Variants in CCNA1 observed in about 807,000 individuals in gnomAD.
CCNA1 encodes cyclin-A1.
Under a neutral mutation model 54.1 loss-of-function variants are expected in CCNA1, and 23 were observed. That is an observed-to-expected ratio of 0.42 (90% confidence interval 0.31 to 0.60). CCNA1 has a LOEUF of 0.60. Ranked by LOEUF, CCNA1 falls within the 20% of genes least tolerant of loss-of-function variation. The pLI is 0.14. For missense variants in CCNA1, 450 were observed against 556.7 expected (o/e 0.81, Z 1.93); for synonymous variants, 208 against 213.9 (o/e 0.97, Z 0.24).
chr13:36,433,440 TTCG>T (rs767662427), intron 2 of CCNA1, among the ~76,000 whole-genome samples: 4,576 of 79,856 alleles, frequency 0.057, 297 homozygotes, highest in Non-Finnish European at 0.092. Flanking sequence ...CTTTCTTTCT[TTCG>T]TTCTTTCTTT....
At chr13:36,432,300 A>T (rs991260615), upstream of CCNA1, 2 of 306,476 alleles carry the variant, frequency 6.5e-6, no homozygotes, top group South Asian at 7.9e-5. Context: ...GCTCAGCCGC[A>T]TCGCTAAGCC....
Position 36,433,061 on chromosome 13 carries a change from A to G in CCNA1, c.137A>G (p.His46Arg). 1 of 1,613,942 alleles carries G rather than the reference A, an allele frequency of 6.2e-7. No individual in the cohort carries two copies. The highest frequency in any genetic ancestry group is 1.3e-5 in the African/African-American group (1 of 75,042). The stretch of plus-strand genomic sequence containing the variant: ...CAGCCCGTGGAGTCTGAAGCAATGC[A>G]CTGCAGCAACCCCAAGAGTGGAGTT... Residue 46 changes from histidine to arginine, a missense_variant, in exon 2 of 9, where the codon CAC becomes CGC. Physicochemically the swap from His to Arg is conservative, Grantham distance 29 (BLOSUM62 0). Transcript: ENST00000255465.
intron 2 of CCNA1, among the ~76,000 whole-genome samples, chr13:36,433,890 A>G (rs1218027096): frequency 2.0e-5 from 3 of 152,178 alleles, no homozygotes; most frequent in Non-Finnish European, 4.4e-5. Context: ...AGCTAGAAAT[A>G]GTGATTAGTT....
chr13:36,434,048 T>C lies in CCNA1; in HGVS notation c.297+827T>C, dbSNP rs535739294. 2.6e-5 allele frequency among the ~76,000 whole-genome samples: 4 copies of C among 152,330 alleles called. No individual in the cohort carries two copies. In the South Asian group the frequency reaches 8.3e-4, roughly 32 times the overall value. The stretch of plus-strand genomic sequence containing the variant: ...CTGGGGTTCCTCCAGGTTAGAGCAG[T>C]GTTCACATTGATGCAGGCTGTGCCT... On this transcript the variant is annotated intron_variant, in intron 2 of 8. Coordinates refer to ENST00000255465, the MANE Select transcript of CCNA1 (RefSeq NM_003914.4).
chr13:36,438,919 G>A (rs2055843003), intron 5 of CCNA1, 52 bp downstream of exon 5: 1 of 1,351,296 alleles, frequency 7.4e-7, no homozygotes, highest in Non-Finnish European at 1.1e-6. Flanking sequence ...GTCAAAACAT[G>A]GAATTTTTGT....
chr13:36,439,894 C>T, intron 5 of CCNA1, 85 bp from the exon 6 acceptor site: 2 of 803,730 alleles, frequency 2.5e-6, no homozygotes, highest in Non-Finnish European at 2.1e-6. Flanking sequence ...TCTGCAAGGG[C>T]CATGCGGAGA....
At chr13:36,440,284 T>C in intron 6 of CCNA1, 101 bp downstream of exon 6, 1 of 1,063,250 alleles carries the variant, frequency 9.4e-7, no homozygotes, top group Non-Finnish European at 1.4e-6. Context: ...TTCAGTTTTC[T>C]TCCCACAGGC....
chr13:36,433,418 C>T (rs547462389), intron 2 of CCNA1, among the ~76,000 whole-genome samples, 197 bp downstream of exon 2: 3 of 119,614 alleles, frequency 2.5e-5, no homozygotes, highest in Non-Finnish European at 5.4e-5. Flanking sequence ...TTCTTTCTTT[C>T]TTTCTTTCTT....
chr13:36,435,892 T>C (rs2055798376), intron 2 of CCNA1, among the ~76,000 whole-genome samples: 1 of 152,222 alleles, frequency 6.6e-6, no homozygotes, highest in Non-Finnish European at 1.5e-5. Context: ...TCTCAGTAAA[T>C]GGAGTAGCCA....
chr13:36,442,280 T>C lies in CCNA1; in HGVS notation c.1322T>C (p.Ile441Thr). The C allele has an allele frequency of 6.2e-7, 1 of 1,614,014 alleles. No individual in the cohort carries two copies. The change falls in exon 8 of 9, where the codon ATT becomes ACT. Residue 441 changes from isoleucine to threonine, a missense_variant. Transcript: ENST00000255465. ...ATACCCCATCGACCTCAGCAAGCAATTAGGGAGAAGTACAAGGCTTCAAAG... is the reference window on the plus strand; with the variant it reads ...ATACCCCATCGACCTCAGCAAGCAACTAGGGAGAAGTACAAGGCTTCAAAG...
intron 2 of CCNA1, among the ~76,000 whole-genome samples, chr13:36,435,731 A>G (rs1360538536): frequency 2.0e-5 from 3 of 152,148 alleles, no homozygotes; most frequent in African/African-American, 7.2e-5. Context: ...TGATATTTCT[A>G]TCTCTGGCCT....
intron 6 of CCNA1, among the ~76,000 whole-genome samples, 158 bp downstream of exon 6, chr13:36,440,341 C>T (rs2055860681): frequency 6.6e-6 from 1 of 152,074 alleles, no homozygotes; most frequent in Admixed American, 6.6e-5. Flanking sequence ...TTTAAGAACC[C>T]AGCTTTTGGT....
In CCNA1 at chr13:36,442,841, T is replaced by A. The variant is rs2055892514; in HGVS notation, c.*176T>A. ...AGTAGTTTGTAATATAGTCCAACAT[T>A]TTTTAAACAATAAACTGCTTGTCTT... On this transcript the variant is annotated 3_prime_UTR_variant, in exon 9 of 9. Coordinates refer to ENST00000255465, the MANE Select transcript of CCNA1 (RefSeq NM_003914.4). 3.4e-6 allele frequency: 2 copies of A among 589,034 alleles called. No homozygotes were observed. The highest frequency in any genetic ancestry group is 3.7e-5 in the African/African-American group (2 of 53,882). The allele number at this position is 589,034 out of a possible 1,614,324, so 36.5% of individuals were successfully genotyped here. A position where few individuals can be genotyped will look rare whatever the true frequency, so the allele number is the denominator to read the frequency against.
chr13:36,433,396 TTC>T (rs1303257766), intron 2 of CCNA1, among the ~76,000 whole-genome samples, 175 bp downstream of exon 2: 1 of 99,672 alleles, frequency 1.0e-5, no homozygotes. Flanking sequence ...CTTTCTTTCT[TTC>T]TTTCTTTCTT....
rs1349345899 is a variant in CCNA1, at chr13:36,438,208, TCTA to T, written c.669+20_669+22del. On this transcript the variant is annotated intron_variant, in intron 4 of 8. Transcript: ENST00000255465. ...GAAGCTGAAGTAAGTTTTCCCACCT[TCTA>T]CTTCAATCTTCAGGACCCGAGCTCT... The T allele has an allele frequency of 6.2e-7, 1 of 1,603,870 alleles. No individual in the cohort carries two copies. Among genetic ancestry groups the T allele is most frequent in the South Asian group, 1.1e-5 (1 of 89,180 alleles).
At position 36,440,021 on chromosome 13, in the gene CCNA1, C is replaced by T. The variant is rs770814251; in HGVS notation, c.936C>T (p.Val312=). The T allele has an allele frequency of 6.2e-7, 1 of 1,612,832 alleles. No homozygotes were observed. Residue 312 remains valine (V), a synonymous_variant, in exon 6 of 9, where the codon GTC becomes GTT. Transcript: ENST00000255465. ...ATCCTCCTGAAGTAGACGAGTTTGT[C>T]TATATCACCGATGATACATACACAA...
Position 36,440,033 on chromosome 13 carries a change from T to A in CCNA1, c.948T>A (p.Asp316Glu). ...TAGACGAGTTTGTCTATATCACCGA[T>A]GATACATACACAAAACGACAACTGT... is the stretch of plus-strand genomic sequence containing the variant. The change falls in exon 6 of 9, where the codon GAT becomes GAA. Residue 316 changes from aspartate (D) to glutamate (E), a missense_variant. This residue lies in a region of CCNA1 where 150 missense variants were observed against 219.7 expected (regional missense o/e 0.68). Transcript: ENST00000255465. 6.2e-7 allele frequency: 1 copy of A among 1,613,528 alleles called. No homozygotes were observed. Among genetic ancestry groups the A allele is most frequent in the East Asian group, 2.2e-5 (1 of 44,884 alleles).
intron 5 of CCNA1, among the ~76,000 whole-genome samples, chr13:36,439,201 T>C (rs1323104137): frequency 6.6e-6 from 1 of 152,216 alleles, no homozygotes; most frequent in Non-Finnish European, 1.5e-5. Context: ...GACAGTGTGG[T>C]TACAAAAAGC....
intron 2 of CCNA1, among the ~76,000 whole-genome samples, chr13:36,436,083 A>C (rs1014457071): frequency 1.8e-4 from 27 of 152,144 alleles, no homozygotes; most frequent in Non-Finnish European, 7.4e-5. Context: ...CTCACTTAGA[A>C]TTTTCAAGTT....
Sources: allele counts gnomAD v4.1 joint callset (sites outside exome capture counted in the v4.1 genomes callset), GRCh38; gene constraint gnomAD v4.1.1; regional missense constraint gnomAD v4.1.1; transcripts MANE v1.5; gene names NCBI Gene and HGNC (gene_info 2026-07-23, HGNC 2026-07-21).